KLK11: variants seen among roughly 807,000 people sequenced by gnomAD.
The protein encoded by KLK11 is kallikrein-11.
In KLK11, 10 loss-of-function variants were observed where a neutral mutation model predicts 23.4. That is an observed-to-expected ratio of 0.43 (90% CI 0.26 to 0.73). The LOEUF (loss-of-function observed/expected upper bound fraction) is 0.73. Among genes scored for constraint, KLK11 ranks in the 30% least tolerant of loss-of-function variants. The pLI, the probability that KLK11 is intolerant of heterozygous loss-of-function variation, is 0.22. For missense variants in KLK11, 285 were observed against 327.8 expected, an observed-to-expected ratio of 0.87 and a Z score of 1.01; for synonymous variants, 131 against 131.7, an observed-to-expected ratio of 0.99 and a Z score of 0.03.
chr19:51,023,552 T>G (rs528010286), intron 4 of KLK11: 1 of 245,740 alleles, frequency 4.1e-6, no homozygotes, highest in Non-Finnish European at 7.8e-6. Context: ...GCCCAACTAA[T>G]TTTCACATTT....
In KLK11 at chr19:51,023,122, G is replaced by T. The variant is rs769074273; in HGVS notation, c.570C>A (p.Ser190Arg). The stretch of plus-strand genomic sequence containing the variant: ...AGGAGTCCTTGCCCCCTTCCTGCAC[G>T]CTGGCACACACCATGGTGTCTGTGA... ...GNITDTMVCA[S>R]VQEGGKDSCQ... is the part of the protein sequence containing the mutation. Residue 190 changes from serine (S) to arginine (R), a missense_variant, in exon 5 of 6, where the codon AGC becomes AGA. Transcript: ENST00000453757. 3.1e-6 allele frequency: 5 copies of T among 1,611,870 alleles called. No homozygotes were observed. In the South Asian group the frequency reaches 3.3e-5, roughly 11 times the overall value.
Position 51,022,327 on chromosome 19 carries a change from A to C in KLK11, c.*218T>G. 1.7e-6 allele frequency: 1 copy of C among 579,494 alleles called. No individual in the cohort carries two copies. The allele number at this position is 579,494 out of a possible 1,614,324, so 35.9% of individuals were successfully genotyped here. A position where few individuals can be genotyped will look rare whatever the true frequency, so the allele number is the denominator to read the frequency against. On this transcript the variant is annotated 3_prime_UTR_variant, in exon 6 of 6. Coordinates refer to ENST00000453757, the MANE Select transcript of KLK11 (RefSeq NM_001136032.3). ...AACAGAGAACAAACCAGGTGTTGTC[A>C]TTCCCAGAGTCACAATATTTCAAGG...
Position 51,024,258 on chromosome 19 carries a change from C to G in KLK11, c.250G>C (p.Glu84Gln). Residue 84 changes from glutamate (E) to glutamine (Q), a missense_variant, in exon 4 of 6, where the codon GAG becomes CAG. Transcript: ENST00000453757. This position sits in a 1 kb window ranked among gnomAD's most constrained non-coding sequence, Gnocchi z 6.2. Reference sequence around the variant, plus strand: ...GACTCAGTGGCTGTCCGGGTCTGCTCACAGCCCTCCTCCTTCTGGAGGTTG... The same window carrying G: ...GACTCAGTGGCTGTCCGGGTCTGCTGACAGCCCTCCTCCTTCTGGAGGTTG... ...QHNLQKEEGCEQTRTATESFP... is the reference protein window; with the variant it reads ...QHNLQKEEGCQQTRTATESFP... The G allele has an allele frequency of 6.2e-7, 1 of 1,614,066 alleles. No homozygotes were observed. Among genetic ancestry groups the G allele is most frequent in the African/African-American group, 1.3e-5 (1 of 75,016 alleles).
rs2091478015 is a variant in KLK11, at chr19:51,025,842, A to G, written c.-35-176T>C. 8.4e-6 allele frequency: 4 copies of G among 476,116 alleles called. No individual in the cohort carries two copies. Among genetic ancestry groups the G allele is most frequent in the Middle Eastern group, 5.5e-4 (1 of 1,820 alleles). 29.5% of individuals were successfully genotyped at this position (476,116 alleles called of 1,614,324 possible). ...TCAGATCTCCAAACACTTAAAATAT[A>G]TCTTAGGTGTCTAGGGTGGCCTTGG... On this transcript the variant is annotated intron_variant, in intron 1 of 5. Coordinates refer to ENST00000453757, the MANE Select transcript of KLK11 (RefSeq NM_001136032.3). The surrounding 1 kb of genome is among the most constrained non-coding windows in gnomAD (Gnocchi z 6.2).
rs1374571998 is a variant in KLK11 at position 51,025,082 on chromosome 19, G to T, written c.41-288C>A. Among the ~76,000 whole-genome samples, 3 of 152,078 alleles carry T rather than the reference G, an allele frequency of 2.0e-5. No homozygotes were observed. The highest frequency in any genetic ancestry group is 7.2e-5 in the African/African-American group (3 of 41,430). ...AGATCAGCCTAGGCAAACATAGTGA[G>T]ACCTCCTCCCCCATCTCTACAAACA... is the stretch of plus-strand genomic sequence containing the variant. On this transcript the variant is annotated intron_variant, in intron 2 of 5. Transcript: ENST00000453757. The surrounding 1 kb of genome is among the most constrained non-coding windows in gnomAD (Gnocchi z 6.2).
At chr19:51,023,655 G>A (rs1397984572) in intron 4 of KLK11, 1 of 217,754 alleles carries the variant, frequency 4.6e-6, no homozygotes, top group Non-Finnish European at 9.0e-6. Context: ...AAAGTGCTGG[G>A]ATTACAGGCG....
At chr19:51,027,131 T>TC (rs1209768379), upstream of KLK11, 1 of 299,820 alleles carries the variant, frequency 3.3e-6, no homozygotes, top group Non-Finnish European at 6.2e-6. Context: ...TCCGTCTCTC[T>TC]TTTTCCTCCC....
Position 51,024,220 on chromosome 19 carries a change from G to A in KLK11, c.288C>T (p.Pro96=), listed in dbSNP as rs769800407. 1.5e-5 allele frequency: 24 copies of A among 1,613,968 alleles called. No individual in the cohort carries two copies. The highest frequency in any genetic ancestry group is 1.8e-5 in the Non-Finnish European group (21 of 1,180,008). Residue 96 remains proline, a synonymous_variant, in exon 4 of 6, where the codon CCC becomes CCT. Transcript: ENST00000453757. The surrounding 1 kb of genome is among the most constrained non-coding windows in gnomAD (Gnocchi z 6.2). The part of the protein sequence containing the change: ...TRTATESFPH[P]GFNNSLPNKD... Reference sequence around the variant, plus strand: ...TGTTGGGGAGGCTGTTGTTGAAGCCGGGGTGGGGGAAGGACTCAGTGGCTG... The same window carrying A: ...TGTTGGGGAGGCTGTTGTTGAAGCCAGGGTGGGGGAAGGACTCAGTGGCTG...
intron 5 of KLK11, 68 bp from the exon 6 acceptor site, chr19:51,022,765 G>A: frequency 6.4e-7 from 1 of 1,573,478 alleles, no homozygotes; most frequent in Non-Finnish European, 8.7e-7. Context: ...GGGAGGAGGT[G>A]GGGACGGTGC....
Position 51,022,402 on chromosome 19 carries a change from A to T in KLK11, c.*143T>A. On this transcript the variant is annotated 3_prime_UTR_variant, in exon 6 of 6. Transcript: ENST00000453757. ...GATTTCGAACCCCAGGTTGATTATT[A>T]AGTGACAGCATCTCCTGTAGTCCAG... The T allele has an allele frequency of 1.1e-6, 1 of 908,090 alleles. No homozygotes were observed. Among genetic ancestry groups the T allele is most frequent in the Non-Finnish European group, 1.7e-6 (1 of 574,758 alleles). 56.3% of individuals were successfully genotyped at this position (908,090 alleles called of 1,614,324 possible).
At chr19:51,026,160 G>A (rs577546692) in intron 1 of KLK11, among the ~76,000 whole-genome samples, 14 of 152,158 alleles carry the variant, frequency 9.2e-5, no homozygotes, top group African/African-American at 2.6e-4. Context: ...GGAGTAGGGG[G>A]CTCAGCCCCA....
chr19:51,025,880 C>A lies in KLK11; in HGVS notation c.-35-214G>T, dbSNP rs960703355. 34 of 414,918 alleles carry A rather than the reference C, an allele frequency of 8.2e-5. No individual in the cohort carries two copies. The highest frequency in any genetic ancestry group is 6.8e-4 in the African/African-American group (33 of 48,446). 25.7% of individuals were successfully genotyped at this position (414,918 alleles called of 1,614,324 possible). A position where few individuals can be genotyped will look rare whatever the true frequency, so the allele number is the denominator to read the frequency against. ...AGGGTGGCCTTGGAGAGGGCCTGGT[C>A]ACAGCTAGAAGCTTCCGAGATACCA... On this transcript the variant is annotated intron_variant, in intron 1 of 5. Transcript: ENST00000453757. The surrounding 1 kb of genome is among the most constrained non-coding windows in gnomAD (Gnocchi z 6.2).
chr19:51,027,533 G>A (rs768320170), upstream of KLK11: 20 of 1,613,614 alleles, frequency 1.2e-5, no homozygotes, highest in Middle Eastern at 1.6e-4. Context: ...GAACCCGAGC[G>A]CAGATTCCTG....
Position 51,025,170 on chromosome 19 carries a change from A to C in KLK11, c.41-376T>G, listed in dbSNP as rs561882073. ...GGTCCCAGCTACCGGGGAAGCTGAGATGGCTTAAGGATCACTTAAGCCCGG... is the reference window on the plus strand; with the variant it reads ...GGTCCCAGCTACCGGGGAAGCTGAGCTGGCTTAAGGATCACTTAAGCCCGG... On this transcript the variant is annotated intron_variant, in intron 2 of 5. Transcript: ENST00000453757. This position sits in a 1 kb window ranked among gnomAD's most constrained non-coding sequence, Gnocchi z 6.2. Among the ~76,000 whole-genome samples, 1 of 152,038 alleles carries C rather than the reference A, an allele frequency of 6.6e-6. No individual in the cohort carries two copies. The highest frequency in any genetic ancestry group is 2.1e-4 in the South Asian group (1 of 4,818).
Position 51,024,255 on chromosome 19 carries a change from G to C in KLK11, c.253C>G (p.Gln85Glu). The C allele has an allele frequency of 6.2e-7, 1 of 1,614,034 alleles. No individual in the cohort carries two copies. The highest frequency in any genetic ancestry group is 1.1e-5 in the South Asian group (1 of 91,074). ...AAGGACTCAGTGGCTGTCCGGGTCT[G>C]CTCACAGCCCTCCTCCTTCTGGAGG... Reference protein sequence around the residue: ...HNLQKEEGCEQTRTATESFPH... With the variant: ...HNLQKEEGCEETRTATESFPH... The change falls in exon 4 of 6, where the codon CAG becomes GAG. Residue 85 changes from glutamine (Q) to glutamate (E), a missense_variant. Physicochemically the swap from Gln to Glu is conservative, Grantham distance 29. Transcript: ENST00000453757. The surrounding 1 kb of genome is among the most constrained non-coding windows in gnomAD (Gnocchi z 6.2).
In KLK11 at chr19:51,024,622, C is replaced by A; in HGVS notation, c.197+16G>T. ...CCAGCCCCCCACCCCGGCACCGCCC[C>A]AGCCCCCGCACCCACGGCTTGAGGC... On this transcript the variant is annotated intron_variant, in intron 3 of 5. Coordinates refer to ENST00000453757, the MANE Select transcript of KLK11 (RefSeq NM_001136032.3). The surrounding 1 kb of genome is among the most constrained non-coding windows in gnomAD (Gnocchi z 6.2). 6.6e-7 allele frequency: 1 copy of A among 1,512,632 alleles called. No homozygotes were observed. Among genetic ancestry groups the A allele is most frequent in the African/African-American group, 1.4e-5 (1 of 71,656 alleles). 93.7% of individuals were successfully genotyped at this position (1,512,632 alleles called of 1,614,324 possible).
intron 5 of KLK11, 108 bp from the exon 6 acceptor site, chr19:51,022,805 G>A (rs757305427): frequency 5.7e-5 from 71 of 1,237,024 alleles, no homozygotes; most frequent in Non-Finnish European, 8.2e-5. Flanking sequence ...AGGATGGGTA[G>A]GCACTGGGAA....
intron 1 of KLK11, 57 bp downstream of exon 1, chr19:51,026,481 T>C: frequency 1.3e-6 from 1 of 795,190 alleles, no homozygotes. Flanking sequence ...CAGGTGTCCT[T>C]GGGGAGGGCT....
chr19:51,023,977 A>G (rs1187378646), intron 4 of KLK11, 68 bp downstream of exon 4: 1 of 1,280,842 alleles, frequency 7.8e-7, no homozygotes, highest in Non-Finnish European at 1.1e-6. Flanking sequence ...TGATGCCCTG[A>G]ACCCTTCCAC....
Sources: allele counts gnomAD v4.1 joint callset (sites outside exome capture counted in the v4.1 genomes callset), GRCh38; gene constraint gnomAD v4.1.1; non-coding constraint Gnocchi (gnomAD v3.1); transcripts MANE v1.5; gene names NCBI Gene and HGNC (gene_info 2026-07-23, HGNC 2026-07-21).